SLC30A8: variants seen among roughly 807,000 people sequenced by gnomAD.
SLC30A8 encodes the protein solute carrier family 30 member 8.
A neutral mutation model predicts 36.9 loss-of-function variants in SLC30A8; 27 were observed. The observed-to-expected ratio is 0.73, with a 90% CI of 0.54 to 1.01. The LOEUF (loss-of-function observed/expected upper bound fraction) is 1.01. SLC30A8 is among the 50% of genes least tolerant of loss of function. The probability of loss-of-function intolerance (pLI) is 0.00; values close to 1 mark genes in which losing one functional copy is unlikely to be tolerated. For synonymous variants in SLC30A8, 164 were observed against 172.4 expected, an observed-to-expected ratio of 0.95 and a Z score of 0.38; for missense variants, 439 against 452.0, an observed-to-expected ratio of 0.97 and a Z score of 0.26.
At chr8:117,110,567 G>T (rs143025977) in intron 2 of SLC30A8, among the ~76,000 whole-genome samples, 3 of 152,310 alleles carry the variant, frequency 2.0e-5, no homozygotes, top group African/African-American at 7.2e-5. Flanking sequence ...GCCAGGGCAT[G>T]CAGGGGCACA....
intron 1 of SLC30A8, among the ~76,000 whole-genome samples, chr8:116,956,986 A>G (rs1814229612): frequency 6.6e-6 from 1 of 152,204 alleles, no homozygotes. Flanking sequence ...TTTTGACTCA[A>G]ATAGTTTCAA....
intron 2 of SLC30A8, among the ~76,000 whole-genome samples, chr8:117,149,962 A>G (rs1288981979): frequency 1.3e-5 from 2 of 152,186 alleles, no homozygotes; most frequent in South Asian, 2.1e-4. Context: ...ACGCCAGTGA[A>G]CCTCATGTGC....
At chr8:116,998,853 A>C (rs922833133) in intron 1 of SLC30A8, among the ~76,000 whole-genome samples, 1 of 152,220 alleles carries the variant, frequency 6.6e-6, no homozygotes, top group African/African-American at 2.4e-5. Context: ...CTTCGGAGGG[A>C]GTATGGCCTT....
intron 1 of SLC30A8, among the ~76,000 whole-genome samples, chr8:116,994,816 A>G (rs1214594605): frequency 6.6e-6 from 1 of 152,132 alleles, no homozygotes; most frequent in Non-Finnish European, 1.5e-5. Context: ...TTTAACATGT[A>G]TAATTCATGT....
intron 2 of SLC30A8, among the ~76,000 whole-genome samples, chr8:117,049,858 G>A (rs149709215): frequency 2.0e-5 from 3 of 152,274 alleles, no homozygotes; most frequent in African/African-American, 2.4e-5. Flanking sequence ...AGGTGGCACC[G>A]AGTGGCAGTC....
At chr8:117,058,574 T>G (rs969819977) in intron 2 of SLC30A8, among the ~76,000 whole-genome samples, 2 of 152,130 alleles carry the variant, frequency 1.3e-5, no homozygotes, top group African/African-American at 4.8e-5. Flanking sequence ...GCATATTAAT[T>G]TGTGGGGGCA....
intron 2 of SLC30A8, among the ~76,000 whole-genome samples, chr8:117,071,035 G>A (rs983891700): frequency 2.6e-5 from 4 of 152,140 alleles, no homozygotes; most frequent in Admixed American, 2.6e-4. Flanking sequence ...TCCACATATT[G>A]ATGTCAGTTC....
chr8:116,989,344 G>C (rs1815552226), intron 1 of SLC30A8, among the ~76,000 whole-genome samples: 1 of 152,164 alleles, frequency 6.6e-6, no homozygotes, highest in Admixed American at 6.6e-5. Flanking sequence ...GTAATGACAA[G>C]ATAAATTTCA....
intron 2 of SLC30A8, among the ~76,000 whole-genome samples, chr8:117,040,091 A>T (rs1410832987): frequency 6.6e-6 from 1 of 152,224 alleles, no homozygotes; most frequent in East Asian, 1.9e-4. Context: ...ACAGACACAT[A>T]CAAATTTCTT....
intron 1 of SLC30A8, among the ~76,000 whole-genome samples, chr8:117,011,012 C>T (rs553623929): frequency 3.3e-4 from 51 of 152,316 alleles, no homozygotes; most frequent in South Asian, 8.3e-4. Flanking sequence ...AGCCACAGAT[C>T]CAAACCTTAT....
chr8:117,097,391 C>A (rs1409038333), intron 2 of SLC30A8, among the ~76,000 whole-genome samples: 2 of 44,272 alleles, frequency 4.5e-5, no homozygotes, highest in African/African-American at 2.3e-4. Flanking sequence ...AGCAAGACTC[C>A]ATCTCAAAAA....
At chr8:117,165,241 T>C (rs970570829) in intron 6 of SLC30A8, among the ~76,000 whole-genome samples, 2 of 152,174 alleles carry the variant, frequency 1.3e-5, no homozygotes, top group Non-Finnish European at 1.5e-5. Flanking sequence ...ATAGTGTTGT[T>C]GAGAGGATTA....
At chr8:117,166,779 T>C (rs1209344362) in intron 6 of SLC30A8, among the ~76,000 whole-genome samples, 2 of 150,842 alleles carry the variant, frequency 1.3e-5, no homozygotes, top group Non-Finnish European at 3.0e-5. Context: ...TTTTTTTTTT[T>C]TTTTTTTGTC....
chr8:117,170,859 T>G (rs1418814323), intron 6 of SLC30A8, among the ~76,000 whole-genome samples, 175 bp from the exon 7 acceptor site: 1 of 152,194 alleles, frequency 6.6e-6, no homozygotes, highest in Non-Finnish European at 1.5e-5. Context: ...AAATTTTGAT[T>G]GATGGTAAAC....
intron 1 of SLC30A8, among the ~76,000 whole-genome samples, chr8:116,976,830 T>TCTTTTCTTTTCTTTTCTTTTCTTTTC (rs1815043951): frequency 1.7e-4 from 24 of 142,690 alleles, no homozygotes; most frequent in African/African-American, 7.2e-4. Flanking sequence ...TTCTTTTTTT[T>TCTTTTCTTTTCTTTTCTTTTCTTTTC]TTTTTTTTAC....
chr8:116,959,192 G>A (rs75574855), intron 1 of SLC30A8, among the ~76,000 whole-genome samples: 3,415 of 152,004 alleles, frequency 0.022, 52 homozygotes, highest in Middle Eastern at 0.078. Flanking sequence ...TCTGTGTTTC[G>A]AGTGGTTTCT....
intron 2 of SLC30A8, among the ~76,000 whole-genome samples, chr8:117,113,926 AAC>A (rs1440043350): frequency 5.3e-5 from 8 of 152,152 alleles, no homozygotes; most frequent in African/African-American, 1.7e-4. Flanking sequence ...AGATTTATAA[AAC>A]ACAGAAGATT....
chr8:117,126,487 T>C (rs1820908212), intron 2 of SLC30A8, among the ~76,000 whole-genome samples: 2 of 152,014 alleles, frequency 1.3e-5, no homozygotes, highest in African/African-American at 4.8e-5. Flanking sequence ...GGCTTTACTC[T>C]GAATCACTCA....
At chr8:117,015,134 G>A (rs58683491) in intron 1 of SLC30A8, among the ~76,000 whole-genome samples, 1,551 of 152,002 alleles carry the variant, frequency 0.01, 23 homozygotes, top group African/African-American at 0.034. Context: ...AGGAAACTGC[G>A]TGGCACAAAC....
Sources: gnomAD v4.1 joint callset for allele counts (sites outside exome capture counted in the v4.1 genomes callset) on GRCh38, gnomAD v4.1.1 for gene constraint, MANE v1.5 for transcripts, NCBI Gene and HGNC (gene_info 2026-07-23, HGNC 2026-07-21) for gene names.